Variants in PRORP observed in about 807,000 individuals in gnomAD.
PRORP encodes the protein mitochondrial ribonuclease P catalytic subunit.
Under a neutral mutation model 59.4 loss-of-function variants are expected in PRORP, and 51 were observed. The observed-to-expected ratio is 0.86, with a 90% confidence interval of 0.69 to 1.08. The LOEUF is 1.08. Ranked by LOEUF, PRORP falls within the 50% of genes least tolerant of loss-of-function variation. PRORP has a pLI of 0.00. For missense variants in PRORP, 646 were observed against 690.3 expected (o/e 0.94, Z 0.72); for synonymous variants, 231 against 245.6 (o/e 0.94, Z 0.55).
intron 5 of PRORP, among the ~76,000 whole-genome samples, chr14:35,245,462 G>A (rs555230374): frequency 1.3e-5 from 2 of 152,064 alleles, no homozygotes; most frequent in Admixed American, 6.6e-5. Flanking sequence ...GGGCAACATG[G>A]TGAGACCCCC....
chr14:35,136,739 A>G (rs1444856231), intron 4 of PRORP, among the ~76,000 whole-genome samples: 2 of 145,066 alleles, frequency 1.4e-5, no homozygotes, highest in South Asian at 2.3e-4. Context: ...GGGAGAGTTA[A>G]TGCTGGAGGT....
At chr14:35,178,675 G>T (rs1000082066) in intron 4 of PRORP, among the ~76,000 whole-genome samples, 9 of 152,152 alleles carry the variant, frequency 5.9e-5, no homozygotes, top group Non-Finnish European at 1.3e-4. Flanking sequence ...CAGCAACACT[G>T]ATGGATCTTG....
chr14:35,223,720 A>G (rs1219857243), intron 5 of PRORP, among the ~76,000 whole-genome samples: 1 of 152,080 alleles, frequency 6.6e-6, no homozygotes, highest in Admixed American at 6.6e-5. Context: ...CAGCCTCCCA[A>G]AGTGCTGGGA....
chr14:35,269,009 T>G (rs1234997921), intron 6 of PRORP, among the ~76,000 whole-genome samples: 6 of 152,136 alleles, frequency 3.9e-5, no homozygotes, highest in Admixed American at 2.6e-4. Context: ...TGGAAGATGG[T>G]GCTTCCATTT....
intron 5 of PRORP, among the ~76,000 whole-genome samples, chr14:35,258,891 C>A (rs1206601530): frequency 6.6e-6 from 1 of 152,060 alleles, no homozygotes; most frequent in African/African-American, 2.4e-5. Context: ...ACTGATTTTT[C>A]TGCTTCATTC....
At chr14:35,247,562 T>C (rs1287468504) in intron 5 of PRORP, among the ~76,000 whole-genome samples, 1 of 152,208 alleles carries the variant, frequency 6.6e-6, no homozygotes, top group East Asian at 1.9e-4. Context: ...CTTTCTCTTC[T>C]AGTCATGAAA....
At chr14:35,194,814 A>C (rs999494129) in intron 5 of PRORP, among the ~76,000 whole-genome samples, 7 of 152,206 alleles carry the variant, frequency 4.6e-5, no homozygotes, top group Non-Finnish European at 1.0e-4. Context: ...TAATCTTCAA[A>C]ATTATAAAGA....
At chr14:35,130,156 G>A (rs1431538493) in intron 4 of PRORP, among the ~76,000 whole-genome samples, 1 of 150,332 alleles carries the variant, frequency 6.7e-6, no homozygotes, top group East Asian at 2.0e-4. Context: ...TCAGCCTCCC[G>A]AGTAGCTGGG....
At chr14:35,204,642 A>G (rs2049244620) in intron 5 of PRORP, among the ~76,000 whole-genome samples, 1 of 152,174 alleles carries the variant, frequency 6.6e-6, no homozygotes, top group Admixed American at 6.5e-5. Flanking sequence ...CTTGGGGGAA[A>G]TAAGAAAAAA....
rs1237903765 is a variant in PRORP, at chr14:35,144,856, A to AGT, written c.1167+17246_1167+17247dup. On this transcript the variant is annotated intron_variant, in intron 4 of 7. Coordinates refer to ENST00000534898, the MANE Select transcript of PRORP (RefSeq NM_014672.4). The stretch of plus-strand genomic sequence containing the variant: ...ATTTTCTTTTTCTTTCTATTGTAAA[A>AGT]GTTCAAGTAAAGTTTATTTCCCTCT... Among the ~76,000 whole-genome samples the AGT allele has an allele frequency of 3.9e-3, 569 of 146,216 alleles. 23 individuals carry two copies. Among genetic ancestry groups the AGT allele is most frequent in the African/African-American group, 0.013 (531 of 41,228 alleles).
At chr14:35,158,694 C>T (rs1429154154) in intron 4 of PRORP, 6 of 390,676 alleles carry the variant, frequency 1.5e-5, no homozygotes, top group South Asian at 2.4e-5. Context: ...TAGTTGATGA[C>T]GAGCTGCCAG....
intron 5 of PRORP, among the ~76,000 whole-genome samples, chr14:35,241,982 T>C (rs2050381061): frequency 3.3e-5 from 5 of 152,184 alleles, no homozygotes; most frequent in Admixed American, 3.3e-4. Context: ...CTAAACTCAC[T>C]GAGGGCAGGG....
intron 5 of PRORP, among the ~76,000 whole-genome samples, chr14:35,200,723 A>G (rs911229379): frequency 2.0e-5 from 3 of 151,834 alleles, no homozygotes; most frequent in African/African-American, 7.3e-5. Context: ...ATTTTAGAAA[A>G]GTTATAAATT....
At chr14:35,262,550 G>C in intron 5 of PRORP, 1 of 671,762 alleles carries the variant, frequency 1.5e-6, no homozygotes, top group Non-Finnish European at 2.7e-6. Flanking sequence ...AAAGGCCCCA[G>C]AGGAACCCTG....
chr14:35,170,566 A>G (rs1231445704), intron 4 of PRORP, among the ~76,000 whole-genome samples: 1 of 151,986 alleles, frequency 6.6e-6, no homozygotes, highest in Non-Finnish European at 1.5e-5. Flanking sequence ...TCCATTTACC[A>G]CTTCCTGGTC....
At chr14:35,233,464 A>G (rs2050133573) in intron 5 of PRORP, among the ~76,000 whole-genome samples, 1 of 149,290 alleles carries the variant, frequency 6.7e-6, no homozygotes, top group African/African-American at 2.5e-5. Flanking sequence ...TCCTATAGTA[A>G]AATCAGTCAG....
chr14:35,241,355 G>A (rs2050362634), intron 5 of PRORP, among the ~76,000 whole-genome samples: 1 of 151,806 alleles, frequency 6.6e-6, no homozygotes, highest in Non-Finnish European at 1.5e-5. Flanking sequence ...GCCAGCCTGG[G>A]TGACAGAGGG....
chr14:35,169,827 T>C (rs753417256), intron 4 of PRORP, among the ~76,000 whole-genome samples: 10 of 152,350 alleles, frequency 6.6e-5, no homozygotes, highest in East Asian at 1.9e-4. Flanking sequence ...AGTCTGCTAT[T>C]GTTGGGCATA....
intron 5 of PRORP, among the ~76,000 whole-genome samples, chr14:35,264,823 C>A (rs1213114269): frequency 1.3e-5 from 2 of 152,014 alleles, no homozygotes. Context: ...GCTAAAAATA[C>A]AAAAATTAGC....
Sources: allele counts gnomAD v4.1 joint callset (sites outside exome capture counted in the v4.1 genomes callset), GRCh38; gene constraint gnomAD v4.1.1; transcripts MANE v1.5; gene names NCBI Gene and HGNC (gene_info 2026-07-23, HGNC 2026-07-21).